The following GLI3 variants were observed in gnomAD, a reference collection of about 807,000 sequenced individuals.
GLI3 encodes transcription activator GLI3.
Under a neutral mutation model 100.8 loss-of-function variants are expected in GLI3, and 20 were observed. The ratio of observed to expected loss-of-function variants is 0.20; its 90% CI spans 0.14 to 0.29. The LOEUF is 0.29. GLI3 is among the 10% of genes least tolerant of loss of function. The probability of loss-of-function intolerance (pLI) is 1.00; values close to 1 mark genes in which losing one functional copy is unlikely to be tolerated. For missense variants in GLI3, 2,040 were observed against 2,128.5 expected, an observed-to-expected ratio of 0.96 and a Z score of 0.82; for synonymous variants, 938 against 860.5, an observed-to-expected ratio of 1.09 and a Z score of -1.58.
intron 10 of GLI3, among the ~76,000 whole-genome samples, chr7:42,008,094 G>C (rs912365390): frequency 2.0e-5 from 3 of 152,030 alleles, no homozygotes; most frequent in Non-Finnish European, 4.4e-5. Flanking sequence ...GGTTCGAGTG[G>C]GACTAAGTAA....
chr7:42,148,151 AC>A, intron 3 of GLI3, 74 bp downstream of exon 3: 1 of 1,397,236 alleles, frequency 7.2e-7, no homozygotes. Flanking sequence ...ACACACACAC[AC>A]ACACACACAC....
chr7:41,966,628 G>A lies in GLI3; in HGVS notation c.2445C>T (p.Asn815=). The change falls in exon 15 of 15, where the codon AAC becomes AAT. Residue 815 remains asparagine (N), a synonymous_variant. Coordinates refer to ENST00000395925, the MANE Select transcript of GLI3 (RefSeq NM_000168.6). This position sits in a 1 kb window ranked among gnomAD's most constrained non-coding sequence, Gnocchi z 5.8. ...TGGGCCCACCCAAGCTGCAGGTGTTGTTGGACTGTGTGCCTGGAGACAGAG... is the reference window on the plus strand; with the variant it reads ...TGGGCCCACCCAAGCTGCAGGTGTTATTGGACTGTGTGCCTGGAGACAGAG... The part of the protein sequence containing the change: ...SPLIGNGTQS[N]NTCSLGGPMT... 6.2e-7 allele frequency: 1 copy of A among 1,614,124 alleles called. No individual in the cohort carries two copies. The highest frequency in any genetic ancestry group is 8.5e-7 in the Non-Finnish European group (1 of 1,180,020).
intron 2 of GLI3, among the ~76,000 whole-genome samples, chr7:42,189,971 A>AACACACACAC (rs57107204): frequency 1.8e-4 from 26 of 143,400 alleles, no homozygotes; most frequent in African/African-American, 3.3e-4. Flanking sequence ...GCATGGGCTC[A>AACACACACAC]ACACACACAC....
intron 10 of GLI3, among the ~76,000 whole-genome samples, chr7:42,015,911 T>C (rs1788747616): frequency 6.6e-6 from 1 of 152,170 alleles, no homozygotes. Context: ...TGTGTTTTTC[T>C]TTCTCCACAC....
chr7:42,165,417 G>A (rs543761758), intron 2 of GLI3, among the ~76,000 whole-genome samples: 1 of 152,240 alleles, frequency 6.6e-6, no homozygotes, highest in Non-Finnish European at 1.5e-5. Context: ...CATGGGGCTG[G>A]GAGGATATTT....
intron 2 of GLI3, among the ~76,000 whole-genome samples, chr7:42,162,430 C>T (rs371441048): frequency 3.3e-5 from 5 of 152,174 alleles, no homozygotes; most frequent in Admixed American, 2.6e-4. Context: ...CTTTAATTCA[C>T]ATCTTGTTGA....
rs1272529879 is a variant in GLI3, at chr7:41,965,085, C to T, written c.3988G>A (p.Asp1330Asn). 5.0e-6 allele frequency: 8 copies of T among 1,613,696 alleles called. No homozygotes were observed. The highest frequency in any genetic ancestry group is 1.3e-5 in the African/African-American group (1 of 74,936). ...CCTGCCCCCGGGTGCTGCATGCTGT[C>T]GCCGAGGAGCTGGTGAGCCAGGTAC... ...QGYLAHQLLG[D>N]SMQHPGAGRP... is the part of the protein sequence containing the mutation. The change falls in exon 15 of 15, where the codon GAC becomes AAC. Residue 1330 changes from aspartate (D) to asparagine (N), a missense_variant. By Grantham distance (23) the Asp-to-Asn change is conservative. Coordinates refer to ENST00000395925, the MANE Select transcript of GLI3 (RefSeq NM_000168.6).
intron 3 of GLI3, among the ~76,000 whole-genome samples, chr7:42,097,735 G>A (rs557501843): frequency 5.3e-5 from 8 of 152,114 alleles, no homozygotes; most frequent in East Asian, 1.9e-4. Flanking sequence ...GTGAGTAAAC[G>A]TGTAATTCTG....
intron 7 of GLI3, among the ~76,000 whole-genome samples, chr7:42,027,199 TC>T (rs1378184014): frequency 1.6e-4 from 24 of 152,306 alleles, no homozygotes; most frequent in African/African-American, 5.8e-4. Flanking sequence ...TAAAGATTTC[TC>T]GACTAGCAGG....
At chr7:42,040,280 G>C (rs755242314) in intron 6 of GLI3, 41 bp from the exon 7 acceptor site, 1 of 1,389,388 alleles carries the variant, frequency 7.2e-7, no homozygotes, top group South Asian at 1.2e-5. Flanking sequence ...CCTGCAGTTG[G>C]ACTCTATACC....
intron 3 of GLI3, among the ~76,000 whole-genome samples, chr7:42,140,730 G>C (rs969923101): frequency 5.9e-5 from 9 of 152,134 alleles, no homozygotes; most frequent in Admixed American, 2.0e-4. Context: ...AAATTTACAG[G>C]TATGAGATCA....
chr7:42,034,530 G>C (rs1789382188), intron 7 of GLI3, among the ~76,000 whole-genome samples: 1 of 152,116 alleles, frequency 6.6e-6, no homozygotes, highest in Non-Finnish European at 1.5e-5. Context: ...GACCCTGCCT[G>C]TGTCGCCAAC....
chr7:42,193,008 A>C (rs62443811), intron 2 of GLI3, among the ~76,000 whole-genome samples: 1 of 152,110 alleles, frequency 6.6e-6, no homozygotes, highest in Non-Finnish European at 1.5e-5. Context: ...ACTGCAATCC[A>C]GGGCTTTGAT....
intron 1 of GLI3, among the ~76,000 whole-genome samples, chr7:42,262,200 C>CTTTCCTTCCTTCCTTCCTTCCTTA (rs1789149885): frequency 1.3e-5 from 1 of 74,772 alleles, no homozygotes; most frequent in Non-Finnish European, 3.1e-5. Flanking sequence ...TATTTTTTTT[C>CTTTCCTTCCTTCCTTCCTTCCTTA]CTTCCTTCTT....
chr7:42,232,770 G>A (rs1788718691), intron 1 of GLI3, among the ~76,000 whole-genome samples: 2 of 152,170 alleles, frequency 1.3e-5, no homozygotes, highest in South Asian at 4.1e-4. Flanking sequence ...TCAGGAGGGG[G>A]CTGAAATGTT....
chr7:42,186,530 G>A (rs1190659380), intron 2 of GLI3, among the ~76,000 whole-genome samples: 1 of 152,168 alleles, frequency 6.6e-6, no homozygotes, highest in Non-Finnish European at 1.5e-5. Flanking sequence ...AAAATCACAT[G>A]AGCACCCAGA....
chr7:42,072,902 T>C (rs780680872), intron 4 of GLI3, among the ~76,000 whole-genome samples: 19 of 152,104 alleles, frequency 1.2e-4, no homozygotes, highest in Non-Finnish European at 2.6e-4. Context: ...TCTCAAAGGA[T>C]TTGAGAGAGA....
chr7:42,155,184 A>T (rs1330773644), intron 2 of GLI3, among the ~76,000 whole-genome samples: 1 of 152,126 alleles, frequency 6.6e-6, no homozygotes, highest in African/African-American at 2.4e-5. Context: ...TCACACCTGT[A>T]ATCCCAGCAC....
intron 2 of GLI3, among the ~76,000 whole-genome samples, chr7:42,178,415 G>A (rs953583700): frequency 6.6e-6 from 1 of 152,134 alleles, no homozygotes; most frequent in African/African-American, 2.4e-5. Flanking sequence ...GACCATTCTG[G>A]AATATGTGTC....
Sources: gnomAD v4.1 joint callset for allele counts (sites outside exome capture counted in the v4.1 genomes callset) on GRCh38, gnomAD v4.1.1 for gene constraint, Gnocchi (gnomAD v3.1) non-coding constraint, MANE v1.5 for transcripts, NCBI Gene and HGNC (gene_info 2026-07-23, HGNC 2026-07-21) for gene names.